ERBIN: variants seen among roughly 807,000 people sequenced by gnomAD.
ERBIN encodes densin-180-like protein.
A neutral mutation model predicts 158.4 loss-of-function variants in ERBIN; 60 were observed. The observed-to-expected ratio is 0.38, with a 90% CI of 0.31 to 0.47. The LOEUF (loss-of-function observed/expected upper bound fraction) is 0.47, where lower values mean the gene tolerates loss of function less well. ERBIN is among the 20% of genes least tolerant of loss of function. The pLI is 0.99. For synonymous variants in ERBIN, 594 were observed against 557.2 expected (o/e 1.07, Z -0.93); for missense variants, 1,610 against 1,648.0 (o/e 0.98, Z 0.40).
intron 1 of ERBIN, among the ~76,000 whole-genome samples, chr5:65,960,403 G>A (rs574815947): frequency 2.0e-5 from 3 of 152,238 alleles, no homozygotes; most frequent in African/African-American, 7.2e-5. Flanking sequence ...TGATTGGGGT[G>A]TTTATTACTC....
chr5:66,015,711 A>T (rs1437297205), intron 7 of ERBIN, among the ~76,000 whole-genome samples: 1 of 152,084 alleles, frequency 6.6e-6, no homozygotes. Context: ...GCAGCATGTA[A>T]CTATAGTCCC....
chr5:66,060,194 TA>T (rs1326753820), intron 21 of ERBIN, among the ~76,000 whole-genome samples: 2 of 152,222 alleles, frequency 1.3e-5, no homozygotes, highest in Non-Finnish European at 2.9e-5. Context: ...GGTAAGCTAT[TA>T]ATTATTGCCT....
chr5:66,006,005 A>C lies in ERBIN; in HGVS notation c.308-6044A>C, dbSNP rs995625464. ...TTATAGATTCAATACCATCCCCATC[A>C]AGCTACCAATGACTTTCTTCACAGA... On this transcript the variant is annotated intron_variant, in intron 4 of 25. Transcript: ENST00000284037. Among the ~76,000 whole-genome samples the C allele has an allele frequency of 2.2e-4, 34 of 152,232 alleles. 1 individual carries two copies. The highest frequency in any genetic ancestry group is 6.5e-5 in the Admixed American group (1 of 15,274).
chr5:66,037,121 T>C (rs781051974), intron 14 of ERBIN, among the ~76,000 whole-genome samples: 13 of 152,266 alleles, frequency 8.5e-5, no homozygotes, highest in Middle Eastern at 3.4e-3. Flanking sequence ...CTAAGGGGGC[T>C]TATTTTTTTC....
At chr5:66,014,837 C>CT in intron 7 of ERBIN, 112 bp downstream of exon 7, 1 of 532,854 alleles carries the variant, frequency 1.9e-6, no homozygotes, top group South Asian at 3.1e-5. Flanking sequence ...TTTGTAAATC[C>CT]TGACTGTGTG....
chr5:65,995,251 T>C (rs956194936), intron 4 of ERBIN, among the ~76,000 whole-genome samples: 4 of 152,186 alleles, frequency 2.6e-5, no homozygotes, highest in African/African-American at 4.8e-5. Flanking sequence ...TGAAATCTTA[T>C]ACCCTTTGAA....
rs868625736 is a variant in ERBIN, at chr5:66,080,680, C to G, written c.*2150C>G. 6.6e-6 allele frequency: 1 copy of G among 151,800 alleles called. No homozygotes were observed. Among genetic ancestry groups the G allele is most frequent in the South Asian group, 2.1e-4 (1 of 4,810 alleles). The allele number at this position is 151,800 out of a possible 1,614,324, so 9.4% of individuals were successfully genotyped here. A position where few individuals can be genotyped will look rare whatever the true frequency, so the allele number is the denominator to read the frequency against. On this transcript the variant is annotated 3_prime_UTR_variant, in exon 26 of 26. Coordinates refer to ENST00000284037, the MANE Select transcript of ERBIN (RefSeq NM_001253697.2). ...ATTGTGAAGTTTTCAACTACTTTACCTTGAACCACATATACCAATTATAAT... is the reference window on the plus strand; with the variant it reads ...ATTGTGAAGTTTTCAACTACTTTACGTTGAACCACATATACCAATTATAAT...
chr5:65,949,711 G>A (rs1746266062), intron 1 of ERBIN, among the ~76,000 whole-genome samples: 1 of 152,152 alleles, frequency 6.6e-6, no homozygotes, highest in Non-Finnish European at 1.5e-5. Flanking sequence ...AATTAACCTT[G>A]ATAAAATACT....
intron 21 of ERBIN, among the ~76,000 whole-genome samples, chr5:66,059,522 C>T (rs1040214808): frequency 7.9e-5 from 12 of 152,128 alleles, no homozygotes; most frequent in African/African-American, 2.9e-4. Flanking sequence ...AATTGAATAC[C>T]CTTTATTTCC....
intron 9 of ERBIN, among the ~76,000 whole-genome samples, chr5:66,023,975 C>G (rs1035325857): frequency 6.6e-6 from 1 of 152,110 alleles, no homozygotes; most frequent in Non-Finnish European, 1.5e-5. Flanking sequence ...CCGCGCCCAG[C>G]CGAACTTTCT....
At chr5:65,964,908 TTGTGTG>T (rs70987104) in intron 1 of ERBIN, among the ~76,000 whole-genome samples, 7,771 of 107,134 alleles carry the variant, frequency 0.073, 374 homozygotes, top group South Asian at 0.094. Flanking sequence ...CCTGGCTGAT[TTGTGTG>T]TGTGTGTGTG....
At chr5:66,043,981 A>C (rs1315793148) in intron 16 of ERBIN, among the ~76,000 whole-genome samples, 156 bp from the exon 17 acceptor site, 1 of 152,214 alleles carries the variant, frequency 6.6e-6, no homozygotes, top group Non-Finnish European at 1.5e-5. Flanking sequence ...TATTTTTATC[A>C]AGCCTAAAAT....
At chr5:66,065,976 T>C (rs1760949280) in intron 21 of ERBIN, among the ~76,000 whole-genome samples, 1 of 152,110 alleles carries the variant, frequency 6.6e-6, no homozygotes, top group Non-Finnish European at 1.5e-5. Flanking sequence ...AAATAATCCT[T>C]AATATTGAAG....
chr5:65,995,107 G>A (rs929810620), intron 4 of ERBIN, among the ~76,000 whole-genome samples: 6 of 152,168 alleles, frequency 3.9e-5, no homozygotes, highest in African/African-American at 1.4e-4. Flanking sequence ...TTTAATATGT[G>A]TATGTAAAAT....
chr5:65,932,779 G>C (rs747039490), intron 1 of ERBIN, among the ~76,000 whole-genome samples: 25 of 152,078 alleles, frequency 1.6e-4, no homozygotes, highest in Non-Finnish European at 3.1e-4. Context: ...AAGAATTCTA[G>C]TTTTTCATAG....
chr5:65,987,682 GTC>G (rs1751410373), intron 1 of ERBIN, among the ~76,000 whole-genome samples: 1 of 151,864 alleles, frequency 6.6e-6, no homozygotes, highest in African/African-American at 2.4e-5. Flanking sequence ...GCAAAACCCC[GTC>G]TCTCTAAAGA....
intron 1 of ERBIN, among the ~76,000 whole-genome samples, chr5:65,939,032 G>A (rs1475075466): frequency 6.6e-6 from 1 of 152,282 alleles, no homozygotes; most frequent in East Asian, 1.9e-4. Context: ...TATTTAGTGT[G>A]ATGTACAGTA....
intron 4 of ERBIN, among the ~76,000 whole-genome samples, chr5:66,004,499 A>G (rs1753373417): frequency 2.0e-5 from 3 of 152,154 alleles, no homozygotes; most frequent in Admixed American, 2.0e-4. Flanking sequence ...CCCAGGTTCA[A>G]GCAATTCTTG....
At chr5:66,071,401 G>A (rs561104449) in intron 21 of ERBIN, among the ~76,000 whole-genome samples, 1 of 151,806 alleles carries the variant, frequency 6.6e-6, no homozygotes, top group South Asian at 2.1e-4. Context: ...AATATTCAGG[G>A]GTAATGAGAT....
Sources: gnomAD v4.1 joint callset for allele counts (sites outside exome capture counted in the v4.1 genomes callset) on GRCh38, gnomAD v4.1.1 for gene constraint, MANE v1.5 for transcripts, NCBI Gene and HGNC (gene_info 2026-07-23, HGNC 2026-07-21) for gene names.